SEPTIN2: variants seen among roughly 807,000 people sequenced by gnomAD.
SEPTIN2 encodes the protein septin 2.
SEPTIN2 carries 34 observed loss-of-function variants against 46.5 expected under a neutral mutation model. That is an observed-to-expected ratio of 0.73 (90% confidence interval 0.56 to 0.97). The LOEUF (loss-of-function observed/expected upper bound fraction) is 0.97. Ranked by LOEUF, SEPTIN2 falls within the 50% of genes least tolerant of loss-of-function variation. SEPTIN2 has a pLI of 0.00. For missense variants in SEPTIN2, 347 were observed against 448.4 expected, an observed-to-expected ratio of 0.77 and a Z score of 2.04; for synonymous variants, 175 against 153.4, an observed-to-expected ratio of 1.14 and a Z score of -1.04.
intron 3 of SEPTIN2, among the ~76,000 whole-genome samples, chr2:241,329,584 C>T (rs1406422285): frequency 6.6e-6 from 1 of 152,174 alleles, no homozygotes; most frequent in Non-Finnish European, 1.5e-5. Context: ...TCAGTTTCCT[C>T]AGCAAGGCCA....
intron 1 of SEPTIN2, among the ~76,000 whole-genome samples, chr2:241,320,968 G>A (rs2077029717): frequency 6.6e-6 from 1 of 151,934 alleles, no homozygotes; most frequent in East Asian, 1.9e-4. Flanking sequence ...CTTGATCCTG[G>A]GGATATCCAG....
chr2:241,346,377 T>C, intron 10 of SEPTIN2, 128 bp downstream of exon 10: 1 of 591,890 alleles, frequency 1.7e-6, no homozygotes, highest in Non-Finnish European at 2.9e-6. Context: ...TCAAAAGTTA[T>C]TATAAAAGAG....
chr2:241,317,589 G>T, intron 1 of SEPTIN2: 2 of 981,838 alleles, frequency 2.0e-6, no homozygotes, highest in Non-Finnish European at 2.4e-6. Context: ...TCATTTGGCA[G>T]CAGAGGTGAG....
chr2:241,328,657 A>C (rs552893312), intron 3 of SEPTIN2, among the ~76,000 whole-genome samples: 1 of 152,216 alleles, frequency 6.6e-6, no homozygotes, highest in South Asian at 2.1e-4. Context: ...CCGGAGAATC[A>C]CTTGAACCTA....
chr2:241,336,714 T>C (rs1466707115), intron 5 of SEPTIN2: 2 of 170,870 alleles, frequency 1.2e-5, no homozygotes, highest in Non-Finnish European at 2.9e-5. Context: ...TTAAATGCTG[T>C]TTCCCAGCTC....
chr2:241,345,833 T>C (rs891965110), intron 9 of SEPTIN2, among the ~76,000 whole-genome samples: 4 of 152,362 alleles, frequency 2.6e-5, no homozygotes, highest in Admixed American at 6.5e-5. Context: ...TTTCAGACAT[T>C]GTTGACCTGA....
rs369967182 is a variant in SEPTIN2, at chr2:241,332,209, C to G, written c.131-2917C>G. Among the ~76,000 whole-genome samples, 10 of 152,230 alleles carry G rather than the reference C, an allele frequency of 6.6e-5. No homozygotes were observed. The South Asian group carries it at 1.0e-3, about 16-fold the overall frequency. Reference sequence around the variant, plus strand: ...ACAATTGTGCATTATTAAAAGTTTGCCTTCTTGAAAAGACATCAATAGGAA... The same window carrying G: ...ACAATTGTGCATTATTAAAAGTTTGGCTTCTTGAAAAGACATCAATAGGAA... On this transcript the variant is annotated intron_variant, in intron 3 of 12. Coordinates refer to ENST00000391971, the MANE Select transcript of SEPTIN2 (RefSeq NM_004404.5).
intron 1 of SEPTIN2, 145 bp downstream of exon 1, chr2:241,316,127 C>G (rs2149769606): frequency 5.4e-6 from 1 of 185,164 alleles, no homozygotes; most frequent in African/African-American, 2.3e-5. Flanking sequence ...GAGGGGCGGC[C>G]GAGCCCAGGC....
chr2:241,325,172 A>C (rs1011854707), intron 2 of SEPTIN2: 1 of 152,172 alleles, frequency 6.6e-6, no homozygotes, highest in African/African-American at 2.4e-5. Context: ...CTATACATTT[A>C]CAAAATGTAA....
At position 241,349,925 on chromosome 2, in the gene SEPTIN2, A is replaced by T; in HGVS notation, c.985-148A>T. 6.0e-6 allele frequency: 4 copies of T among 669,856 alleles called. No individual in the cohort carries two copies. Among genetic ancestry groups the T allele is most frequent in the East Asian group, 2.9e-5 (1 of 34,648 alleles). The allele number at this position is 669,856 out of a possible 1,614,324, so 41.5% of individuals were successfully genotyped here. On this transcript the variant is annotated intron_variant, in intron 11 of 12. Coordinates refer to ENST00000391971, the MANE Select transcript of SEPTIN2 (RefSeq NM_004404.5). ...TTTCTCTTTAGCTGTTGCTTTTTTT[A>T]TTGATTGGTAAAAAGTCTTTATGTA...
At chr2:241,320,992 T>C (rs532211531) in intron 1 of SEPTIN2, among the ~76,000 whole-genome samples, 42 of 152,340 alleles carry the variant, frequency 2.8e-4, no homozygotes, top group African/African-American at 1.0e-3. Flanking sequence ...TGTAACAAAT[T>C]ACTGGGAGTT....
At position 241,350,065 on chromosome 2, in the gene SEPTIN2, G is replaced by T. The variant is rs915894904; in HGVS notation, c.985-8G>T. On this transcript the variant is annotated splice_polypyrimidine_tract_variant and splice_region_variant and intron_variant, in intron 11 of 12. Coordinates refer to ENST00000391971, the MANE Select transcript of SEPTIN2 (RefSeq NM_004404.5). ...TTGAAAACCTATAATGTGTGTGTGTGTTCACAGCTCCGCCGCATGCAAGAG... is the reference window on the plus strand; with the variant it reads ...TTGAAAACCTATAATGTGTGTGTGTTTTCACAGCTCCGCCGCATGCAAGAG... 1.2e-6 allele frequency: 2 copies of T among 1,612,932 alleles called. No homozygotes were observed. Among genetic ancestry groups the T allele is most frequent in the African/African-American group, 1.3e-5 (1 of 75,036 alleles).
chr2:241,335,016 A>G (rs1343570674), intron 3 of SEPTIN2, 110 bp from the exon 4 acceptor site: 1 of 691,620 alleles, frequency 1.4e-6, no homozygotes, highest in Non-Finnish European at 2.5e-6. Context: ...TAAACACAGA[A>G]TGATGTTTGT....
intron 2 of SEPTIN2, chr2:241,324,790 A>G (rs1185730481): frequency 6.5e-6 from 1 of 153,210 alleles, no homozygotes; most frequent in African/African-American, 2.4e-5. Flanking sequence ...GTTCATTCCC[A>G]GCAGACCAGA....
chr2:241,318,524 G>A (rs996652628), intron 1 of SEPTIN2, among the ~76,000 whole-genome samples: 1 of 152,086 alleles, frequency 6.6e-6, no homozygotes, highest in African/African-American at 2.4e-5. Flanking sequence ...TGTAGGACCT[G>A]TTTTCTAGTT....
rs1337728682 is a variant in SEPTIN2 at position 241,343,876 on chromosome 2, T to G, written c.821T>G (p.Leu274Arg). 3 of 1,614,236 alleles carry G rather than the reference T, an allele frequency of 1.9e-6. No homozygotes were observed. Among genetic ancestry groups the G allele is most frequent in the Non-Finnish European group, 2.5e-6 (3 of 1,180,022 alleles). ...GAGAACCCAGAGCACAATGACTTTC[T>G]GAAGCTGAGAACCATGCTCATGTAA... is the stretch of plus-strand genomic sequence containing the variant. The part of the protein sequence containing the change: ...EVENPEHNDF[L>R]KLRTMLITHM... The change falls in exon 9 of 13, where the codon CTG becomes CGG. Residue 274 changes from leucine to arginine, a missense_variant. By Grantham distance (102) the Leu-to-Arg change is moderately radical (BLOSUM62 -2). Coordinates refer to ENST00000391971, the MANE Select transcript of SEPTIN2 (RefSeq NM_004404.5).
At chr2:241,345,543 T>TA (rs906245768) in intron 9 of SEPTIN2, among the ~76,000 whole-genome samples, 2 of 152,224 alleles carry the variant, frequency 1.3e-5, no homozygotes, top group South Asian at 2.1e-4. Flanking sequence ...AGGAACGTGT[T>TA]ACAATGTTTG....
At chr2:241,334,137 G>C (rs1468253844) in intron 3 of SEPTIN2, among the ~76,000 whole-genome samples, 1 of 152,172 alleles carries the variant, frequency 6.6e-6, no homozygotes, top group Non-Finnish European at 1.5e-5. Flanking sequence ...GTCTGCTAAA[G>C]TGCTGGGATT....
At chr2:241,347,881 A>G (rs1295491367) in intron 10 of SEPTIN2, among the ~76,000 whole-genome samples, 1 of 152,104 alleles carries the variant, frequency 6.6e-6, no homozygotes, top group Non-Finnish European at 1.5e-5. Context: ...TGGGCGTGGT[A>G]GCACGTGCCT....
Sources: allele counts gnomAD v4.1 joint callset (sites outside exome capture counted in the v4.1 genomes callset), GRCh38; gene constraint gnomAD v4.1.1; transcripts MANE v1.5; gene names NCBI Gene and HGNC (gene_info 2026-07-23, HGNC 2026-07-21).